The following ZNF74 variants were observed in gnomAD, a reference collection of about 807,000 sequenced individuals.
ZNF74 encodes zinc finger protein 520.
In ZNF74, 12 loss-of-function variants were observed where a neutral mutation model predicts 17.7. That is an observed-to-expected ratio of 0.68 (90% confidence interval 0.43 to 1.10). The LOEUF (loss-of-function observed/expected upper bound fraction) is 1.10. Ranked by LOEUF, ZNF74 falls within the 50% of genes least tolerant of loss-of-function variation. The pLI is 0.00. For missense variants in ZNF74, 811 were observed against 881.0 expected, an observed-to-expected ratio of 0.92 and a Z score of 1.01; for synonymous variants, 358 against 362.1, an observed-to-expected ratio of 0.99 and a Z score of 0.13.
rs1601281998 is a variant in ZNF74, at chr22:20,407,116, G to C, written c.*148G>C. The C allele has an allele frequency of 2.3e-6, 3 of 1,306,244 alleles. No individual in the cohort carries two copies. In the East Asian group the frequency reaches 7.6e-5, roughly 33 times the overall value. 80.9% of individuals were successfully genotyped at this position (1,306,244 alleles called of 1,614,324 possible). On this transcript the variant is annotated 3_prime_UTR_variant, in exon 5 of 5. Coordinates refer to ENST00000400451, the MANE Select transcript of ZNF74 (RefSeq NM_003426.4). ...CCCCATCAGGTCTGCATGCCAGGGT[G>C]CCTCCTCTAGTTAAAGTCAGTCACC...
chr22:20,394,807 G>A (rs2052273494), intron 1 of ZNF74, 145 bp downstream of exon 1: 1 of 781,776 alleles, frequency 1.3e-6, no homozygotes, highest in Admixed American at 2.5e-5. Flanking sequence ...ACCCAGGCGG[G>A]AGTGGTGCAA....
At chr22:20,402,204 C>T (rs954638787) in intron 4 of ZNF74, among the ~76,000 whole-genome samples, 5 of 152,084 alleles carry the variant, frequency 3.3e-5, no homozygotes, top group African/African-American at 9.7e-5. Context: ...GAAGGCAGCC[C>T]CTCCTCCATC....
At chr22:20,398,435 C>T (rs560336579) in intron 2 of ZNF74, among the ~76,000 whole-genome samples, 13 of 152,054 alleles carry the variant, frequency 8.5e-5, no homozygotes, top group South Asian at 8.3e-4. Context: ...CAAACTGCTC[C>T]GCAGTTTGCT....
rs1255401267 is a variant in ZNF74 at position 20,405,891 on chromosome 22, C to T, written c.858C>T (p.Thr286=). The change falls in exon 5 of 5, where the codon ACC becomes ACT. Residue 286 remains threonine (T), a synonymous_variant. Coordinates refer to ENST00000400451, the MANE Select transcript of ZNF74 (RefSeq NM_003426.4). ...GCGATGAATGCGGCAAGGCCTTCAC[C>T]TGGAGCACCAACCTTCTGGAGCACC... is the stretch of plus-strand genomic sequence containing the variant. ...YKCDECGKAF[T]WSTNLLEHRR... 2 of 1,613,728 alleles carry T rather than the reference C, an allele frequency of 1.2e-6. No individual in the cohort carries two copies. The highest frequency in any genetic ancestry group is 1.7e-6 in the Non-Finnish European group (2 of 1,179,934).
rs1394979976 is a variant in ZNF74 at position 20,405,381 on chromosome 22, G to C, written c.348G>C (p.Trp116Cys). Reference protein sequence around the residue: ...REVPRGPCPEWELKAVPSQQQ... With the variant: ...REVPRGPCPECELKAVPSQQQ... The stretch of plus-strand genomic sequence containing the variant: ...ATCATTTTCAATATCTTACAGAATG[G>C]GAGCTGAAGGCGGTGCCCTCTCAAC... Residue 116 changes from tryptophan (W) to cysteine (C), a missense_variant, in exon 5 of 5, where the codon TGG becomes TGC. Around this residue, in one of 3 missense-constraint regions of ZNF74, gnomAD observed 666 missense variants for 702.3 expected, o/e 0.95. Coordinates refer to ENST00000400451, the MANE Select transcript of ZNF74 (RefSeq NM_003426.4). 4.4e-6 allele frequency: 7 copies of C among 1,597,528 alleles called. No individual in the cohort carries two copies. The highest frequency in any genetic ancestry group is 6.0e-6 in the Non-Finnish European group (7 of 1,175,896).
At chr22:20,397,473 C>A (rs551156294) in intron 2 of ZNF74, among the ~76,000 whole-genome samples, 8 of 152,242 alleles carry the variant, frequency 5.3e-5, no homozygotes, top group African/African-American at 1.7e-4. Flanking sequence ...AGTTGTGTAA[C>A]CAGCACCACA....
At chr22:20,399,676 T>C (rs554078909) in intron 2 of ZNF74, 42 of 311,914 alleles carry the variant, frequency 1.3e-4, no homozygotes, top group South Asian at 1.0e-3. Context: ...GTTCAAGCAA[T>C]TCTCCTGACC....
In ZNF74 at chr22:20,406,246, G is replaced by A; in HGVS notation, c.1213G>A (p.Val405Met). ...KAFTCHSSLT[V>M]HEKIHSGDKP... Reference sequence around the variant, plus strand: ...CTTCACCTGCCACTCATCCCTCACCGTGCATGAGAAGATCCACAGCGGGGA... The same window carrying A: ...CTTCACCTGCCACTCATCCCTCACCATGCATGAGAAGATCCACAGCGGGGA... The change falls in exon 5 of 5, where the codon GTG becomes ATG. Residue 405 changes from valine (V) to methionine (M), a missense_variant. Physicochemically the swap from Val to Met is conservative, Grantham distance 21 (BLOSUM62 1). Around this residue, in one of 3 missense-constraint regions of ZNF74, gnomAD observed 666 missense variants for 702.3 expected, o/e 0.95. Coordinates refer to ENST00000400451, the MANE Select transcript of ZNF74 (RefSeq NM_003426.4). 3 of 1,612,148 alleles carry A rather than the reference G, an allele frequency of 1.9e-6. No individual in the cohort carries two copies. The highest frequency in any genetic ancestry group is 1.7e-4 in the Middle Eastern group (1 of 6,060).
rs1297098440 is a variant in ZNF74, at chr22:20,405,366, A to G, written c.344-11A>G. ...GCTTGCTCACAGAAAATCATTTTCA[A>G]TATCTTACAGAATGGGAGCTGAAGG... On this transcript the variant is annotated splice_polypyrimidine_tract_variant and intron_variant, in intron 4 of 4. Transcript: ENST00000400451. 6.3e-7 allele frequency: 1 copy of G among 1,583,824 alleles called. No homozygotes were observed.
At chr22:20,395,211 C>T (rs553599135) in intron 1 of ZNF74, 122 bp from the exon 2 acceptor site, 143 of 678,412 alleles carry the variant, frequency 2.1e-4, no homozygotes, top group South Asian at 1.2e-3. Context: ...GGCTCGTTCC[C>T]CACCTGGCCT....
rs1255927857 is a variant in ZNF74, at chr22:20,407,280, G to A, written c.*312G>A. 5.7e-6 allele frequency: 2 copies of A among 353,774 alleles called. No individual in the cohort carries two copies. Among genetic ancestry groups the A allele is most frequent in the African/African-American group, 4.2e-5 (2 of 47,778 alleles). 21.9% of individuals were successfully genotyped at this position (353,774 alleles called of 1,614,324 possible). On this transcript the variant is annotated 3_prime_UTR_variant, in exon 5 of 5. Transcript: ENST00000400451. The stretch of plus-strand genomic sequence containing the variant: ...CCAATAAAAAGAAGGGATATCGTTG[G>A]GTGCCATGGCTCACACCTGTAATCT...
chr22:20,407,188 G>C lies in ZNF74; in HGVS notation c.*220G>C. 1.6e-6 allele frequency: 1 copy of C among 624,658 alleles called. No homozygotes were observed. The highest frequency in any genetic ancestry group is 2.6e-6 in the Non-Finnish European group (1 of 380,372). 38.7% of individuals were successfully genotyped at this position (624,658 alleles called of 1,614,324 possible). ...AGGAGGAGTGTTGAGAGTCATTTGA[G>C]GTAGTCTTGCCACCTGTTTTCCTTG... On this transcript the variant is annotated 3_prime_UTR_variant, in exon 5 of 5. Coordinates refer to ENST00000400451, the MANE Select transcript of ZNF74 (RefSeq NM_003426.4).
chr22:20,404,461 G>A (rs540457871), intron 4 of ZNF74, among the ~76,000 whole-genome samples: 1 of 152,206 alleles, frequency 6.6e-6, no homozygotes, highest in East Asian at 1.9e-4. Flanking sequence ...CTGAGTAGCT[G>A]GGACTATAGA....
rs143631381 is a variant in ZNF74 at position 20,394,385 on chromosome 22, G to A, written c.-244G>A. ...GGGTGTGCCGGGGCGTGAGTGCGCCGAGCATGGGGCTGAGCCTGGTGTGGG... is the reference window on the plus strand; with the variant it reads ...GGGTGTGCCGGGGCGTGAGTGCGCCAAGCATGGGGCTGAGCCTGGTGTGGG... On this transcript the variant is annotated 5_prime_UTR_variant, in exon 1 of 5. Coordinates refer to ENST00000400451, the MANE Select transcript of ZNF74 (RefSeq NM_003426.4). 3.6e-4 allele frequency: 243 copies of A among 672,684 alleles called. No homozygotes were observed. Among genetic ancestry groups the A allele is most frequent in the Non-Finnish European group, 5.8e-4 (213 of 367,468 alleles). 41.7% of individuals were successfully genotyped at this position (672,684 alleles called of 1,614,324 possible).
Position 20,406,376 on chromosome 22 carries a change from A to G in ZNF74, c.1343A>G (p.Asp448Gly), listed in dbSNP as rs756770771. Residue 448 changes from aspartate to glycine, a missense_variant, in exon 5 of 5, where the codon GAC (aspartate) becomes GGC (glycine). Asp to Gly is a moderately conservative substitution (Grantham distance 94, BLOSUM62 -1). Coordinates refer to ENST00000400451, the MANE Select transcript of ZNF74 (RefSeq NM_003426.4). ...HTGEKPFKCADCGKGFSCHAY... is the reference protein window; with the variant it reads ...HTGEKPFKCAGCGKGFSCHAY... The stretch of plus-strand genomic sequence containing the variant: ...GGCGAGAAGCCCTTCAAGTGCGCCG[A>G]CTGCGGGAAGGGCTTCAGCTGCCAC... 7.4e-6 allele frequency: 12 copies of G among 1,613,218 alleles called. No homozygotes were observed. The highest frequency in any genetic ancestry group is 1.7e-5 in the Admixed American group (1 of 59,934).
At chr22:20,400,551 AGGGTCCTTAATCAATCTCT>A in intron 2 of ZNF74, 62 bp from the exon 3 acceptor site, 3 of 1,567,606 alleles carry the variant, frequency 1.9e-6, no homozygotes, top group Non-Finnish European at 2.6e-6. Flanking sequence ...CTTTACTTGT[AGGGTCCTTAATCAATCTCT>A]GGCTCCTTTG....
intron 2 of ZNF74, 46 bp downstream of exon 2, chr22:20,395,464 A>G (rs1225093696): frequency 6.9e-7 from 1 of 1,456,168 alleles, no homozygotes; most frequent in Non-Finnish European, 9.6e-7. Context: ...GGGTTGGCAC[A>G]TTCCCTCCCC....
chr22:20,394,697 G>T, intron 1 of ZNF74, 35 bp downstream of exon 1: 1 of 1,610,826 alleles, frequency 6.2e-7, no homozygotes, highest in East Asian at 2.2e-5. Flanking sequence ...TATGTCTGTG[G>T]ATTTGCACTT....
In ZNF74 at chr22:20,406,975, G is replaced by A; in HGVS notation, c.*7G>A. ...GAGCAAACCTCGAAACTAACATGAT[G>A]TGCTTTGGTGTCAGTAGCTGCTTTC... On this transcript the variant is annotated 3_prime_UTR_variant, in exon 5 of 5. Transcript: ENST00000400451. 1 of 1,603,856 alleles carries A rather than the reference G, an allele frequency of 6.2e-7. No individual in the cohort carries two copies. Among genetic ancestry groups the A allele is most frequent in the Non-Finnish European group, 8.5e-7 (1 of 1,174,638 alleles).
Sources: gnomAD v4.1 joint callset for allele counts (sites outside exome capture counted in the v4.1 genomes callset) on GRCh38, gnomAD v4.1.1 for gene constraint, gnomAD v4.1.1 regional missense constraint, MANE v1.5 for transcripts, NCBI Gene and HGNC (gene_info 2026-07-23, HGNC 2026-07-21) for gene names.